Variants in CAMKMT observed in about 807,000 individuals in gnomAD.
CAMKMT encodes the protein CaM KMT.
A neutral mutation model predicts 48.0 loss-of-function variants in CAMKMT; 53 were observed. The observed-to-expected ratio is 1.10, with a 90% CI of 0.89 to 1.39. The LOEUF is 1.39. Among genes scored for constraint, CAMKMT ranks in the 40% most tolerant of loss-of-function variants. The pLI is 0.00. For synonymous variants in CAMKMT, 165 were observed against 152.3 expected (o/e 1.08, Z -0.61); for missense variants, 428 against 402.7 (o/e 1.06, Z -0.54).
At chr2:44,760,017 G>T (rs1372074882) in intron 9 of CAMKMT, among the ~76,000 whole-genome samples, 1 of 152,134 alleles carries the variant, frequency 6.6e-6, no homozygotes, top group Non-Finnish European at 1.5e-5. Context: ...TATCTGCTTG[G>T]CACTGACGCC....
intron 3 of CAMKMT, among the ~76,000 whole-genome samples, chr2:44,639,433 A>C (rs910722941): frequency 1.3e-5 from 2 of 152,272 alleles, no homozygotes; most frequent in African/African-American, 2.4e-5. Context: ...TTCAATCGCA[A>C]CTCTGCCACT....
intron 3 of CAMKMT, among the ~76,000 whole-genome samples, chr2:44,473,459 G>A (rs1668527311): frequency 6.6e-6 from 1 of 152,262 alleles, no homozygotes; most frequent in East Asian, 1.9e-4. Flanking sequence ...ACAGTGCTAT[G>A]TTTAGTACAT....
chr2:44,560,491 C>T (rs527764789), intron 3 of CAMKMT, among the ~76,000 whole-genome samples: 1 of 152,012 alleles, frequency 6.6e-6, no homozygotes, highest in Non-Finnish European at 1.5e-5. Flanking sequence ...AGGCAGGTCT[C>T]GAACTTCTGG....
intron 2 of CAMKMT, among the ~76,000 whole-genome samples, chr2:44,374,115 C>A (rs1572663352): frequency 1.9e-5 from 1 of 53,056 alleles, no homozygotes; most frequent in African/African-American, 9.3e-5. Flanking sequence ...AAGACTCTGC[C>A]TCAAAAAAAA....
chr2:44,527,258 G>A (rs1471434874), intron 3 of CAMKMT, among the ~76,000 whole-genome samples: 2 of 140,288 alleles, frequency 1.4e-5, no homozygotes, highest in Non-Finnish European at 1.5e-5. Flanking sequence ...ACCATATCTG[G>A]CAATATATAT....
At chr2:44,680,908 C>A (rs1201203448) in intron 3 of CAMKMT, among the ~76,000 whole-genome samples, 1 of 152,178 alleles carries the variant, frequency 6.6e-6, no homozygotes, top group Non-Finnish European at 1.5e-5. Flanking sequence ...TTCTTTTCCA[C>A]CCTAAGTGGT....
intron 3 of CAMKMT, among the ~76,000 whole-genome samples, chr2:44,647,191 C>G (rs1673781983): frequency 6.6e-6 from 1 of 152,112 alleles, no homozygotes; most frequent in Admixed American, 6.5e-5. Flanking sequence ...TGTCAACATT[C>G]CTGTGGTCAA....
chr2:44,503,777 A>C (rs1670118819), intron 3 of CAMKMT, among the ~76,000 whole-genome samples: 1 of 152,186 alleles, frequency 6.6e-6, no homozygotes, highest in Admixed American at 6.5e-5. Flanking sequence ...TGGTTGGCTT[A>C]AACAACAGAA....
intron 3 of CAMKMT, among the ~76,000 whole-genome samples, chr2:44,538,475 A>T (rs1158456190): frequency 6.6e-6 from 1 of 152,092 alleles, no homozygotes; most frequent in African/African-American, 2.4e-5. Context: ...TTTTTGCAGC[A>T]ACTTGGATTG....
chr2:44,558,807 G>A (rs1205269256), intron 3 of CAMKMT, among the ~76,000 whole-genome samples: 1 of 152,072 alleles, frequency 6.6e-6, no homozygotes, highest in South Asian at 2.1e-4. Context: ...AGAGGTGAGG[G>A]TTCAAAAACT....
chr2:44,717,444 G>A (rs1678231883), intron 7 of CAMKMT, among the ~76,000 whole-genome samples: 1 of 152,154 alleles, frequency 6.6e-6, no homozygotes, highest in Non-Finnish European at 1.5e-5. Flanking sequence ...AGCCACTGAT[G>A]TAATAATCAG....
chr2:44,729,608 A>G (rs1171477508), intron 7 of CAMKMT, among the ~76,000 whole-genome samples: 1 of 152,220 alleles, frequency 6.6e-6, no homozygotes, highest in Non-Finnish European at 1.5e-5. Context: ...AGGTGAAGCA[A>G]TGGGAGTGTC....
At position 44,653,119 on chromosome 2, in the gene CAMKMT, C is replaced by T. The variant is rs141277564; in HGVS notation, c.377-51164C>T. Among the ~76,000 whole-genome samples, 23 of 152,266 alleles carry T rather than the reference C, an allele frequency of 1.5e-4. No homozygotes were observed. Among genetic ancestry groups the T allele is most frequent in the Admixed American group, 1.0e-3 (16 of 15,292 alleles). ...CCAGGACACATTGGCTAGTTTCTAACGTACAGTCTTGTGCTTGTTGATCCT... is the reference window on the plus strand; with the variant it reads ...CCAGGACACATTGGCTAGTTTCTAATGTACAGTCTTGTGCTTGTTGATCCT... On this transcript the variant is annotated intron_variant, in intron 3 of 10. Transcript: ENST00000378494. The surrounding 1 kb of genome is among the most constrained non-coding windows in gnomAD (Gnocchi z 5.2).
intron 10 of CAMKMT, among the ~76,000 whole-genome samples, chr2:44,769,208 G>T (rs1367316653): frequency 1.3e-5 from 2 of 151,854 alleles, no homozygotes; most frequent in East Asian, 1.9e-4. Context: ...GAACAGCTTT[G>T]CCTCTTAAAC....
At chr2:44,601,215 G>C (rs1670967762) in intron 3 of CAMKMT, among the ~76,000 whole-genome samples, 2 of 152,046 alleles carry the variant, frequency 1.3e-5, no homozygotes, top group African/African-American at 4.8e-5. Flanking sequence ...CCAGCACTTT[G>C]GGAGGCCAAG....
intron 7 of CAMKMT, among the ~76,000 whole-genome samples, chr2:44,729,359 C>T (rs1008312482): frequency 2.6e-5 from 4 of 152,108 alleles, no homozygotes; most frequent in Admixed American, 6.6e-5. Context: ...AGGACAGAAT[C>T]TTAGAAAATG....
intron 3 of CAMKMT, among the ~76,000 whole-genome samples, chr2:44,403,835 G>C (rs925482751): frequency 1.3e-5 from 2 of 152,114 alleles, no homozygotes; most frequent in Admixed American, 6.5e-5. Flanking sequence ...CACTAGAACA[G>C]CATTTCCAGT....
chr2:44,682,022 C>T (rs998345057), intron 3 of CAMKMT, among the ~76,000 whole-genome samples: 3 of 152,108 alleles, frequency 2.0e-5, no homozygotes, highest in Admixed American at 6.5e-5. Flanking sequence ...TTTTCTCTGC[C>T]CCTGAAAGGC....
At chr2:44,436,650 A>G (rs976172892) in intron 3 of CAMKMT, among the ~76,000 whole-genome samples, 43 of 152,064 alleles carry the variant, frequency 2.8e-4, no homozygotes, top group Admixed American at 2.6e-3. Context: ...TCTGAGGGCC[A>G]GATTTGACCA....
Sources: gnomAD v4.1 joint callset for allele counts (sites outside exome capture counted in the v4.1 genomes callset) on GRCh38, gnomAD v4.1.1 for gene constraint, Gnocchi (gnomAD v3.1) non-coding constraint, MANE v1.5 for transcripts, NCBI Gene and HGNC (gene_info 2026-07-23, HGNC 2026-07-21) for gene names.